The following ADD1 variants were observed in gnomAD, a reference collection of about 807,000 sequenced individuals.
ADD1 encodes the protein alpha-adducin.
In ADD1, 24 loss-of-function variants were observed where a neutral mutation model predicts 80.5. The ratio of observed to expected loss-of-function variants is 0.30; its 90% CI spans 0.22 to 0.42. The LOEUF (loss-of-function observed/expected upper bound fraction) is 0.42. Among genes scored for constraint, ADD1 ranks in the 10% least tolerant of loss-of-function variants. The pLI is 1.00. For synonymous variants in ADD1, 373 were observed against 393.8 expected (o/e 0.95, Z 0.63); for missense variants, 948 against 1,019.0 (o/e 0.93, Z 0.95).
At chr4:2,850,254 A>G (rs1250529034) in intron 1 of ADD1, among the ~76,000 whole-genome samples, 4 of 152,236 alleles carry the variant, frequency 2.6e-5, no homozygotes, top group Admixed American at 6.5e-5. Context: ...AATGTCTTCA[A>G]TAGGCAAATC....
At chr4:2,913,048 G>C (rs1487810341) in intron 13 of ADD1, among the ~76,000 whole-genome samples, 1 of 151,850 alleles carries the variant, frequency 6.6e-6, no homozygotes, top group Admixed American at 6.6e-5. Context: ...GGTTTTCGCT[G>C]TGTTGGCCAG....
intron 14 of ADD1, among the ~76,000 whole-genome samples, chr4:2,924,637 A>C (rs1322425569): frequency 6.6e-6 from 1 of 152,192 alleles, no homozygotes; most frequent in Non-Finnish European, 1.5e-5. Context: ...GTCTCGTTCT[A>C]GACCAGCCAC....
intron 9 of ADD1, chr4:2,900,618 T>C (rs1383624632): frequency 2.0e-5 from 3 of 152,442 alleles, no homozygotes; most frequent in Non-Finnish European, 2.9e-5. Context: ...AGTTTAACTT[T>C]CCTGAAGGTT....
intron 1 of ADD1, among the ~76,000 whole-genome samples, chr4:2,858,404 A>G (rs2108814524): frequency 6.6e-6 from 1 of 152,352 alleles, no homozygotes; most frequent in Admixed American, 6.5e-5. Context: ...TGAAATAGAC[A>G]GAGATGAAGA....
rs904476263 is a variant in ADD1 at position 2,876,004 on chromosome 4, A to G, written c.89A>G (p.Glu30Gly). ...GAGAGGTACTTCGACCGAGTAGATGAGAACAACCCAGAGTACTTGAGGGAG... is the reference window on the plus strand; with the variant it reads ...GAGAGGTACTTCGACCGAGTAGATGGGAACAACCCAGAGTACTTGAGGGAG... ...HKERYFDRVD[E>G]NNPEYLRERN... is the part of the protein sequence containing the mutation. The change falls in exon 2 of 16, where the codon GAG becomes GGG. Residue 30 changes from glutamate to glycine, a missense_variant. Transcript: ENST00000683351. 1.2e-6 allele frequency: 2 copies of G among 1,614,034 alleles called. No individual in the cohort carries two copies. The highest frequency in any genetic ancestry group is 2.2e-5 in the East Asian group (1 of 44,896).
At chr4:2,909,463 A>G (rs1447073456) in intron 13 of ADD1, 32 bp downstream of exon 13, 7 of 1,504,390 alleles carry the variant, frequency 4.7e-6, no homozygotes, top group South Asian at 3.6e-5. Flanking sequence ...CTACCTGTCT[A>G]TGCGCCTTGC....
chr4:2,869,310 T>C (rs1560161897), intron 1 of ADD1, among the ~76,000 whole-genome samples: 1 of 152,130 alleles, frequency 6.6e-6, no homozygotes, highest in East Asian at 1.9e-4. Flanking sequence ...CCATCCTAGC[T>C]CGGTAGTCGG....
intron 10 of ADD1, chr4:2,905,378 T>G (rs886461793): frequency 6.1e-6 from 3 of 488,902 alleles, no homozygotes; most frequent in Middle Eastern, 1.1e-3. Flanking sequence ...AATTTACATG[T>G]ATTAACCTAC....
intron 14 of ADD1, among the ~76,000 whole-genome samples, chr4:2,921,654 T>C (rs1740066877): frequency 3.3e-5 from 5 of 152,190 alleles, no homozygotes; most frequent in Admixed American, 2.0e-4. Flanking sequence ...GTGGTGTTTC[T>C]GTATTTCGTG....
At chr4:2,870,063 C>T (rs1196244323) in intron 1 of ADD1, among the ~76,000 whole-genome samples, 2 of 152,176 alleles carry the variant, frequency 1.3e-5, no homozygotes, top group Non-Finnish European at 2.9e-5. Context: ...TTTTCATGTT[C>T]CAGCTTTAGG....
At chr4:2,859,924 T>TC (rs531462068) in intron 1 of ADD1, among the ~76,000 whole-genome samples, 1 of 34,166 alleles carries the variant, frequency 2.9e-5, no homozygotes, top group Non-Finnish European at 6.0e-5. Flanking sequence ...TATTGCTCCA[T>TC]TTTTTTTTTT....
chr4:2,891,224 G>A (rs533482374), intron 4 of ADD1, among the ~76,000 whole-genome samples: 21 of 152,252 alleles, frequency 1.4e-4, no homozygotes, highest in Admixed American at 8.5e-4. Flanking sequence ...CAGAAAAAGT[G>A]GGTGCATCAC....
intron 6 of ADD1, 39 bp downstream of exon 6, chr4:2,894,770 T>G (rs1734911527): frequency 6.4e-7 from 1 of 1,562,764 alleles, no homozygotes; most frequent in African/African-American, 1.4e-5. Flanking sequence ...GGTCTAAAGC[T>G]GCTGAGTGAA....
intron 14 of ADD1, among the ~76,000 whole-genome samples, chr4:2,924,186 A>C (rs1327746610): frequency 6.6e-6 from 1 of 152,218 alleles, no homozygotes; most frequent in Non-Finnish European, 1.5e-5. Flanking sequence ...CAGTCTTAAA[A>C]TGAATACAAA....
chr4:2,882,590 T>A (rs1057469366), intron 3 of ADD1, among the ~76,000 whole-genome samples: 12 of 152,238 alleles, frequency 7.9e-5, no homozygotes, highest in African/African-American at 2.4e-4. Context: ...CTGCATATTG[T>A]ACCTTGGATT....
intron 4 of ADD1, among the ~76,000 whole-genome samples, chr4:2,890,173 G>A (rs1218450060): frequency 6.8e-6 from 1 of 147,622 alleles, no homozygotes; most frequent in Non-Finnish European, 1.5e-5. Flanking sequence ...CAGCCTGGGC[G>A]ACAGAGTGAG....
At chr4:2,907,970 G>T (rs559191854) in intron 11 of ADD1, 126 bp downstream of exon 11, 8 of 738,784 alleles carry the variant, frequency 1.1e-5, no homozygotes, top group African/African-American at 1.0e-4. Flanking sequence ...CTGTTGCAGT[G>T]AAGCCATCTC....
At chr4:2,894,818 T>A in intron 6 of ADD1, 87 bp downstream of exon 6, 1 of 1,384,954 alleles carries the variant, frequency 7.2e-7, no homozygotes, top group Non-Finnish European at 9.6e-7. Context: ...CCTTGTTGTT[T>A]ATAGTCAGTA....
chr4:2,915,138 A>G, intron 14 of ADD1, 98 bp downstream of exon 14: 1 of 1,309,938 alleles, frequency 7.6e-7, no homozygotes, highest in African/African-American at 1.5e-5. Flanking sequence ...GGTGATAAGA[A>G]TAGTCACATG....
Sources: allele counts gnomAD v4.1 joint callset (sites outside exome capture counted in the v4.1 genomes callset), GRCh38; gene constraint gnomAD v4.1.1; transcripts MANE v1.5; gene names NCBI Gene and HGNC (gene_info 2026-07-23, HGNC 2026-07-21).